SUPT3H: variants seen among roughly 807,000 people sequenced by gnomAD.
The protein encoded by SUPT3H is SPT3 homolog, SAGA and STAGA complex component, also known as transcription initiation protein SPT3 homolog.
A neutral mutation model predicts 44.3 loss-of-function variants in SUPT3H; 44 were observed. The observed-to-expected ratio is 0.99, with a 90% CI of 0.78 to 1.28. SUPT3H has a LOEUF of 1.28. Among genes scored for constraint, SUPT3H ranks in the 50% most tolerant of loss-of-function variants. The probability of loss-of-function intolerance (pLI) is 0.00; values close to 1 mark genes in which losing one functional copy is unlikely to be tolerated. For synonymous variants in SUPT3H, 124 were observed against 125.6 expected (o/e 0.99, Z 0.09); for missense variants, 380 against 387.1 (o/e 0.98, Z 0.15).
rs190002720 is a variant in SUPT3H, at chr6:44,957,393, C to T, written c.581-2786G>A. On this transcript the variant is annotated intron_variant, in intron 7 of 10. Transcript: ENST00000371459. ...AATCTTCCAAATACTTTCTGACATGCAACATTCCATCTAACTAGTATGCTG... is the reference window on the plus strand; with the variant it reads ...AATCTTCCAAATACTTTCTGACATGTAACATTCCATCTAACTAGTATGCTG... Among the ~76,000 whole-genome samples the T allele has an allele frequency of 9.3e-4, 141 of 152,178 alleles. No homozygotes were observed. The Middle Eastern group carries it at 0.031, about 33-fold the overall frequency.
intron 2 of SUPT3H, among the ~76,000 whole-genome samples, chr6:45,175,184 T>A (rs1398496078): frequency 6.8e-6 from 1 of 146,026 alleles, no homozygotes; most frequent in Non-Finnish European, 1.5e-5. Flanking sequence ...TGTTTGCAGA[T>A]GTGTGTGTGT....
intron 2 of SUPT3H, among the ~76,000 whole-genome samples, chr6:45,256,185 T>G (rs1773369974): frequency 6.6e-6 from 1 of 151,906 alleles, no homozygotes; most frequent in Admixed American, 6.6e-5. Flanking sequence ...AATAAATAAA[T>G]AAAAATAAAA....
At chr6:44,972,734 C>T (rs1286692155) in intron 6 of SUPT3H, among the ~76,000 whole-genome samples, 1 of 152,206 alleles carries the variant, frequency 6.6e-6, no homozygotes, top group African/African-American at 2.4e-5. Flanking sequence ...GTTCCCAAAC[C>T]TCAATTCTAG....
intron 3 of SUPT3H, among the ~76,000 whole-genome samples, chr6:45,055,989 A>G (rs1721572364): frequency 1.3e-5 from 2 of 152,150 alleles, no homozygotes; most frequent in Non-Finnish European, 2.9e-5. Flanking sequence ...AAAAATACAA[A>G]TAATCTCATC....
At chr6:45,046,186 C>T (rs1182159493) in intron 3 of SUPT3H, among the ~76,000 whole-genome samples, 1 of 152,168 alleles carries the variant, frequency 6.6e-6, no homozygotes, top group African/African-American at 2.4e-5. Flanking sequence ...TATAAATAAC[C>T]TTTCCCCATT....
At chr6:44,843,013 G>A (rs1771253010) in intron 10 of SUPT3H, among the ~76,000 whole-genome samples, 1 of 151,882 alleles carries the variant, frequency 6.6e-6, no homozygotes, top group Non-Finnish European at 1.5e-5. Context: ...CCACTGAAGG[G>A]AGACTGGATA....
chr6:44,932,615 T>G (rs1402877290), intron 10 of SUPT3H, 38 bp downstream of exon 10: 24 of 1,423,924 alleles, frequency 1.7e-5, no homozygotes, highest in Non-Finnish European at 2.3e-5. Flanking sequence ...TTCTTTCATA[T>G]TATAAATATA....
intron 2 of SUPT3H, among the ~76,000 whole-genome samples, chr6:45,231,860 T>C (rs917087382): frequency 2.0e-5 from 3 of 152,148 alleles, no homozygotes; most frequent in African/African-American, 7.2e-5. Flanking sequence ...CTTCTGGTTG[T>C]TCTAGTCTAT....
chr6:45,176,529 G>A (rs1309371088), intron 2 of SUPT3H, among the ~76,000 whole-genome samples: 3 of 152,102 alleles, frequency 2.0e-5, no homozygotes, highest in Non-Finnish European at 4.4e-5. Context: ...GGCTTGCTTA[G>A]GTAAACAAAG....
intron 2 of SUPT3H, chr6:45,361,652 A>T (rs1248251164): frequency 6.6e-6 from 1 of 152,252 alleles, no homozygotes; most frequent in African/African-American, 2.4e-5. Flanking sequence ...GCTGTGATAA[A>T]GAGCATATAG....
At chr6:45,071,418 T>G (rs112153555) in intron 3 of SUPT3H, among the ~76,000 whole-genome samples, 86 of 152,230 alleles carry the variant, frequency 5.6e-4, no homozygotes, top group Middle Eastern at 3.4e-3. Context: ...ATGATATCCA[T>G]TAAAGATCAC....
At chr6:45,306,357 A>G (rs949907926) in intron 2 of SUPT3H, among the ~76,000 whole-genome samples, 1 of 152,206 alleles carries the variant, frequency 6.6e-6, no homozygotes, top group Non-Finnish European at 1.5e-5. Flanking sequence ...CACAGACATC[A>G]GTATTAGCCA....
chr6:45,314,995 C>A (rs1784479980), intron 2 of SUPT3H, among the ~76,000 whole-genome samples: 1 of 152,006 alleles, frequency 6.6e-6, no homozygotes, highest in Non-Finnish European at 1.5e-5. Context: ...ATACTTATAG[C>A]CAACTGATCT....
intron 9 of SUPT3H, among the ~76,000 whole-genome samples, chr6:44,934,003 G>A (rs1421596761): frequency 6.6e-6 from 1 of 152,190 alleles, no homozygotes; most frequent in African/African-American, 2.4e-5. Flanking sequence ...TTACTTCAAA[G>A]TATAGTAGGT....
chr6:44,923,949 G>T (rs1309677599), intron 10 of SUPT3H, among the ~76,000 whole-genome samples: 1 of 152,038 alleles, frequency 6.6e-6, no homozygotes, highest in Non-Finnish European at 1.5e-5. Flanking sequence ...TTCAATAGAC[G>T]AAGCAAAATA....
chr6:45,016,922 G>A (rs1055706178), intron 4 of SUPT3H, among the ~76,000 whole-genome samples: 3 of 151,126 alleles, frequency 2.0e-5, no homozygotes, highest in Non-Finnish European at 3.0e-5. Flanking sequence ...TCGCCACACT[G>A]ACTTCCACAA....
intron 2 of SUPT3H, among the ~76,000 whole-genome samples, chr6:45,353,182 A>G (rs943119179): frequency 6.6e-6 from 1 of 152,128 alleles, no homozygotes; most frequent in African/African-American, 2.4e-5. Context: ...AATGAATTGC[A>G]CAGACCAATG....
At chr6:44,865,998 A>C (rs1775441448) in intron 10 of SUPT3H, among the ~76,000 whole-genome samples, 1 of 152,176 alleles carries the variant, frequency 6.6e-6, no homozygotes, top group African/African-American at 2.4e-5. Flanking sequence ...TCTGCTTGAC[A>C]AACTAATCAG....
At chr6:44,960,335 G>C (rs1418334226) in intron 7 of SUPT3H, among the ~76,000 whole-genome samples, 3 of 148,274 alleles carry the variant, frequency 2.0e-5, no homozygotes, top group African/African-American at 7.4e-5. Context: ...TTGAACCCAG[G>C]AGGAGGAGGA....
Sources: gnomAD v4.1 joint callset for allele counts (sites outside exome capture counted in the v4.1 genomes callset) on GRCh38, gnomAD v4.1.1 for gene constraint, MANE v1.5 for transcripts, NCBI Gene and HGNC (gene_info 2026-07-23, HGNC 2026-07-21) for gene names.